Variants in DTNB observed in about 807,000 individuals in gnomAD.
DTNB encodes dystrobrevin beta.
Under a neutral mutation model 90.7 loss-of-function variants are expected in DTNB, and 63 were observed. That is an observed-to-expected ratio of 0.69 (90% CI 0.57 to 0.86). The LOEUF (loss-of-function observed/expected upper bound fraction) is 0.86, where lower values mean the gene tolerates loss of function less well. Among genes scored for constraint, DTNB ranks in the 40% least tolerant of loss-of-function variants. DTNB has a pLI of 0.00. For synonymous variants in DTNB, 277 were observed against 286.7 expected (o/e 0.97, Z 0.34); for missense variants, 744 against 807.1 (o/e 0.92, Z 0.95).
intron 1 of DTNB, among the ~76,000 whole-genome samples, chr2:25,660,246 A>G (rs917259387): frequency 2.0e-5 from 3 of 152,230 alleles, no homozygotes; most frequent in African/African-American, 7.2e-5. Flanking sequence ...GTTCAGCCAT[A>G]AAAAGGAATG....
intron 8 of DTNB, among the ~76,000 whole-genome samples, chr2:25,564,426 G>A (rs1016115071): frequency 6.6e-6 from 1 of 151,886 alleles, no homozygotes; most frequent in African/African-American, 2.4e-5. Context: ...TGTCACCCAC[G>A]ATGGAGCACA....
intron 1 of DTNB, among the ~76,000 whole-genome samples, chr2:25,656,865 T>G (rs2082158970): frequency 6.6e-6 from 1 of 152,144 alleles, no homozygotes; most frequent in African/African-American, 2.4e-5. Flanking sequence ...TAAGAGAAGT[T>G]TCTTAAATCT....
chr2:25,667,730 T>A (rs976076117), intron 1 of DTNB, among the ~76,000 whole-genome samples: 1 of 152,196 alleles, frequency 6.6e-6, no homozygotes, highest in Non-Finnish European at 1.5e-5. Context: ...AAGCTTGATA[T>A]ATTCTTACCA....
Position 25,433,832 on chromosome 2 carries a change from T to G in DTNB, c.1343+78A>C, listed in dbSNP as rs1278641936. On this transcript the variant is annotated intron_variant, in intron 13 of 20. Transcript: ENST00000406818. ...TCCTTGGCGGTCAAAAGCCACCTAG[T>G]ATCCAAGGAAAATGAGAATCAGATA... 3.2e-6 allele frequency: 5 copies of G among 1,544,214 alleles called. No homozygotes were observed. In the Admixed American group the frequency reaches 6.9e-5, roughly 21 times the overall value.
chr2:25,389,094 C>T (rs527630517), intron 16 of DTNB, among the ~76,000 whole-genome samples: 90 of 152,302 alleles, frequency 5.9e-4, no homozygotes, highest in African/African-American at 2.0e-3. Flanking sequence ...GCAATCTGCT[C>T]GCCTTCGCCT....
At chr2:25,671,007 T>C (rs2085728727) in intron 1 of DTNB, among the ~76,000 whole-genome samples, 1 of 152,228 alleles carries the variant, frequency 6.6e-6, no homozygotes, top group South Asian at 2.1e-4. Context: ...TTGACTGTCA[T>C]GGTATCACAG....
intron 8 of DTNB, among the ~76,000 whole-genome samples, chr2:25,549,502 T>C (rs533124194): frequency 2.0e-5 from 3 of 152,296 alleles, no homozygotes; most frequent in African/African-American, 7.2e-5. Flanking sequence ...CTTGAATTCT[T>C]TGGCATGTTT....
At chr2:25,410,831 G>A (rs1558402065) in intron 16 of DTNB, among the ~76,000 whole-genome samples, 1 of 151,980 alleles carries the variant, frequency 6.6e-6, no homozygotes, top group African/African-American at 2.4e-5. Context: ...TTTTTAAAAC[G>A]TATCTGGCCT....
chr2:25,616,931 CAAA>C (rs70947896), intron 4 of DTNB, among the ~76,000 whole-genome samples: 6 of 70,558 alleles, frequency 8.5e-5, no homozygotes, highest in East Asian at 4.2e-4. Context: ...GACCCCGTCT[CAAA>C]AAAAAAAAAA....
At chr2:25,611,347 A>C (rs923758949) in intron 4 of DTNB, among the ~76,000 whole-genome samples, 2 of 152,176 alleles carry the variant, frequency 1.3e-5, no homozygotes, top group African/African-American at 2.4e-5. Flanking sequence ...TTCCTTACTA[A>C]AAGAAAGAAA....
chr2:25,395,151 T>A (rs1448911037), intron 16 of DTNB, among the ~76,000 whole-genome samples: 1 of 152,188 alleles, frequency 6.6e-6, no homozygotes, highest in East Asian at 1.9e-4. Flanking sequence ...ACATTGTACA[T>A]TCTCACTCAT....
intron 20 of DTNB, among the ~76,000 whole-genome samples, chr2:25,378,246 T>G (rs1222501979): frequency 6.6e-6 from 1 of 152,176 alleles, no homozygotes; most frequent in Non-Finnish European, 1.5e-5. Flanking sequence ...GGGCCTTGCC[T>G]GAATGTGCAC....
At chr2:25,643,240 C>T (rs1011072979) in intron 2 of DTNB, among the ~76,000 whole-genome samples, 8 of 152,110 alleles carry the variant, frequency 5.3e-5, no homozygotes, top group African/African-American at 1.4e-4. Flanking sequence ...CAAGTGCTAC[C>T]GCCCCAGCCC....
At chr2:25,427,246 A>G (rs533467360) in intron 15 of DTNB, among the ~76,000 whole-genome samples, 2 of 151,760 alleles carry the variant, frequency 1.3e-5, no homozygotes, top group East Asian at 3.9e-4. Flanking sequence ...GTTGAGAAAT[A>G]TTATTCATTT....
intron 4 of DTNB, among the ~76,000 whole-genome samples, chr2:25,616,111 G>C (rs1309152302): frequency 6.6e-6 from 1 of 152,164 alleles, no homozygotes; most frequent in African/African-American, 2.4e-5. Flanking sequence ...CCTTCAAAGA[G>C]ACAAAACTGT....
chr2:25,451,424 G>T, intron 12 of DTNB, 124 bp downstream of exon 12: 1 of 1,020,490 alleles, frequency 9.8e-7, no homozygotes, highest in South Asian at 2.0e-5. Flanking sequence ...TTAGCATGTG[G>T]AAAAGTGGAA....
intron 10 of DTNB, among the ~76,000 whole-genome samples, chr2:25,457,401 T>C (rs2060214054): frequency 1.3e-5 from 2 of 152,172 alleles, no homozygotes; most frequent in Admixed American, 1.3e-4. Flanking sequence ...AAAGAGTATT[T>C]AGAGACTGCA....
intron 8 of DTNB, among the ~76,000 whole-genome samples, chr2:25,566,935 TA>T (rs1191514747): frequency 6.6e-6 from 1 of 152,156 alleles, no homozygotes; most frequent in African/African-American, 2.4e-5. Flanking sequence ...CAGACCATGA[TA>T]AAATGCTGGT....
chr2:25,510,226 A>AT (rs555031042), intron 9 of DTNB, among the ~76,000 whole-genome samples: 33 of 145,100 alleles, frequency 2.3e-4, no homozygotes, highest in African/African-American at 5.3e-4. Flanking sequence ...TGAGGTTTCT[A>AT]TTTTTTTTTT....
Sources: gnomAD v4.1 joint callset for allele counts (sites outside exome capture counted in the v4.1 genomes callset) on GRCh38, gnomAD v4.1.1 for gene constraint, MANE v1.5 for transcripts, NCBI Gene and HGNC (gene_info 2026-07-23, HGNC 2026-07-21) for gene names.